CAMTA1: variants seen among roughly 807,000 people sequenced by gnomAD.
CAMTA1 encodes calmodulin-binding transcription activator 1.
In CAMTA1, 27 loss-of-function variants were observed where a neutral mutation model predicts 170.9. The ratio of observed to expected loss-of-function variants is 0.16; its 90% confidence interval spans 0.12 to 0.22. The LOEUF (loss-of-function observed/expected upper bound fraction) is 0.22. Ranked by LOEUF, CAMTA1 falls within the 10% of genes least tolerant of loss-of-function variation. The probability of loss-of-function intolerance (pLI) is 1.00; values close to 1 mark genes in which losing one functional copy is unlikely to be tolerated. For synonymous variants in CAMTA1, 833 were observed against 891.5 expected, an observed-to-expected ratio of 0.93 and a Z score of 1.17; for missense variants, 1,619 against 2,217.2, an observed-to-expected ratio of 0.73 and a Z score of 5.42.
intron 6 of CAMTA1, among the ~76,000 whole-genome samples, chr1:7,568,076 C>A (rs896100257): frequency 2.6e-5 from 4 of 152,132 alleles, no homozygotes; most frequent in African/African-American, 9.7e-5. Context: ...TCATCACTAC[C>A]ACCACCATCT....
chr1:7,671,118 C>T (rs2096056802), intron 10 of CAMTA1, 81 bp downstream of exon 10: 3 of 1,504,764 alleles, frequency 2.0e-6, no homozygotes, highest in Non-Finnish European at 2.7e-6. Flanking sequence ...CTTGGGGTGA[C>T]CTTGAGCAGG....
intron 5 of CAMTA1, among the ~76,000 whole-genome samples, chr1:7,461,801 G>C (rs1028849007): frequency 3.3e-5 from 5 of 152,204 alleles, no homozygotes; most frequent in African/African-American, 1.2e-4. Context: ...TGTTCCTCCA[G>C]GGGAAAAGGG....
chr1:7,118,841 C>T (rs111410915), intron 4 of CAMTA1, among the ~76,000 whole-genome samples: 5 of 152,256 alleles, frequency 3.3e-5, no homozygotes, highest in African/African-American at 7.2e-5. Flanking sequence ...GGAAACACAA[C>T]GGGAACCTTG....
intron 3 of CAMTA1, among the ~76,000 whole-genome samples, chr1:7,079,400 G>A (rs183814826): frequency 1.3e-5 from 2 of 152,224 alleles, no homozygotes. Flanking sequence ...CACACCCCAA[G>A]CAAGGTAAAT....
chr1:7,498,600 AGT>A (rs1557819069), intron 6 of CAMTA1, among the ~76,000 whole-genome samples: 3 of 151,390 alleles, frequency 2.0e-5, no homozygotes, highest in South Asian at 4.2e-4. Context: ...TGTACGTGTG[AGT>A]GTGAACATCT....
rs1209545861 is a variant in CAMTA1, at chr1:7,635,477, C to T, written c.511-4923C>T. On this transcript the variant is annotated intron_variant, in intron 6 of 22. Transcript: ENST00000303635. This position sits in a 1 kb window ranked among gnomAD's most constrained non-coding sequence, Gnocchi z 4.4. ...CAAAACAATTAGCGGGGCACTGTGGCGGGCGCCTGTACTCCCAGCTACTCC... is the reference window on the plus strand; with the variant it reads ...CAAAACAATTAGCGGGGCACTGTGGTGGGCGCCTGTACTCCCAGCTACTCC... Among the ~76,000 whole-genome samples the T allele has an allele frequency of 2.0e-5, 3 of 151,946 alleles. No homozygotes were observed. Among genetic ancestry groups the T allele is most frequent in the Admixed American group, 6.6e-5 (1 of 15,266 alleles).
rs2096743643 is a variant in CAMTA1, at chr1:7,732,767, T to C, written c.3066+168T>C. Among the ~76,000 whole-genome samples, 1 of 152,220 alleles carries C rather than the reference T, an allele frequency of 6.6e-6. No individual in the cohort carries two copies. The highest frequency in any genetic ancestry group is 2.1e-4 in the South Asian group (1 of 4,832). ...ACCTGTGCTTTTAAGCATTATAATC[T>C]GTGCAGTATGGAAGAAGCCTTGGAA... is the stretch of plus-strand genomic sequence containing the variant. On this transcript the variant is annotated intron_variant, in intron 12 of 22. Coordinates refer to ENST00000303635, the MANE Select transcript of CAMTA1 (RefSeq NM_015215.4). This position sits in a 1 kb window ranked among gnomAD's most constrained non-coding sequence, Gnocchi z 4.1.
intron 3 of CAMTA1, among the ~76,000 whole-genome samples, chr1:7,024,420 A>T (rs1701780017): frequency 6.6e-6 from 1 of 152,224 alleles, no homozygotes; most frequent in African/African-American, 2.4e-5. Context: ...GGGTAAATAT[A>T]AAATGGGGAA....
intron 5 of CAMTA1, among the ~76,000 whole-genome samples, chr1:7,414,483 T>C (rs917604214): frequency 2.2e-4 from 34 of 152,320 alleles, no homozygotes; most frequent in Admixed American, 1.5e-3. Context: ...TGGTTTAGTC[T>C]TGGGAGAGTG....
At chr1:7,619,107 A>T in intron 6 of CAMTA1, among the ~76,000 whole-genome samples, 1 of 152,210 alleles carries the variant, frequency 6.6e-6, no homozygotes, top group East Asian at 1.9e-4. Context: ...GAGGGAAAGC[A>T]TGAAGAGGAA....
At chr1:7,090,582 C>T (rs573650421) in intron 3 of CAMTA1, among the ~76,000 whole-genome samples, 2 of 152,316 alleles carry the variant, frequency 1.3e-5, no homozygotes, top group South Asian at 4.2e-4. Flanking sequence ...TGATGTCACT[C>T]ACTGGCTTTT....
intron 3 of CAMTA1, among the ~76,000 whole-genome samples, chr1:7,040,892 A>C (rs1015574524): frequency 6.6e-6 from 1 of 151,998 alleles, no homozygotes; most frequent in Non-Finnish European, 1.5e-5. Context: ...TACCCAGCTA[A>C]TCTTTGTTTT....
intron 4 of CAMTA1, among the ~76,000 whole-genome samples, chr1:7,215,931 A>G (rs1659672977): frequency 6.6e-6 from 1 of 152,204 alleles, no homozygotes; most frequent in Non-Finnish European, 1.5e-5. Flanking sequence ...ACTAATAGGT[A>G]ATTCAAGGAA....
chr1:7,506,152 A>G lies in CAMTA1; in HGVS notation c.510+38251A>G, dbSNP rs186203912. Among the ~76,000 whole-genome samples, 16 of 152,258 alleles carry G rather than the reference A, an allele frequency of 1.1e-4. 1 individual carries two copies. The South Asian group carries it at 2.5e-3, about 24-fold the overall frequency. On this transcript the variant is annotated intron_variant, in intron 6 of 22. Transcript: ENST00000303635. ...CCACCCTCTATAACCTCGCTGTGGCACTGGGCTTCAGCATGAGGACTTGGG... is the reference window on the plus strand; with the variant it reads ...CCACCCTCTATAACCTCGCTGTGGCGCTGGGCTTCAGCATGAGGACTTGGG...
intron 11 of CAMTA1, among the ~76,000 whole-genome samples, chr1:7,724,871 A>G: frequency 6.6e-6 from 1 of 152,214 alleles, no homozygotes; most frequent in Non-Finnish European, 1.5e-5. Flanking sequence ...ATCCTCACAA[A>G]CAAGAAGGGA....
In CAMTA1 at chr1:7,664,406, A is replaced by G. The variant is rs759915112; in HGVS notation, c.1859A>G (p.Asp620Gly). 5 of 1,613,452 alleles carry G rather than the reference A, an allele frequency of 3.1e-6. No individual in the cohort carries two copies. In the South Asian group the frequency reaches 5.5e-5, roughly 18 times the overall value. Residue 620 changes from aspartate to glycine, a missense_variant, in exon 9 of 23, where the codon GAC becomes GGC. By Grantham distance (94) the Asp-to-Gly change is moderately conservative. Coordinates refer to ENST00000303635, the MANE Select transcript of CAMTA1 (RefSeq NM_015215.4). ...QTPSPSFFLQDASKPLPVEQN... is the reference protein window; with the variant it reads ...QTPSPSFFLQGASKPLPVEQN... ...CCCTCCCCGAGCTTCTTCCTGCAGG[A>G]CGCCAGCAAACCCCTCCCCGTCGAG...
In CAMTA1 at chr1:7,103,679, G is replaced by A. The variant is rs530361624; in HGVS notation, c.302+12308G>A. ...CACATGTACACGCAACTACACACAT[G>A]CACACAACAGATACAACTACACATA... On this transcript the variant is annotated intron_variant, in intron 4 of 22. Transcript: ENST00000303635. Among the ~76,000 whole-genome samples, 10 of 142,152 alleles carry A rather than the reference G, an allele frequency of 7.0e-5. No homozygotes were observed. The South Asian group carries it at 2.3e-3, about 32-fold the overall frequency. 93.3% of individuals were successfully genotyped at this position (142,152 alleles called of 152,430 possible).
intron 5 of CAMTA1, among the ~76,000 whole-genome samples, chr1:7,318,245 C>T (rs1007444379): frequency 1.3e-5 from 2 of 151,878 alleles, no homozygotes; most frequent in East Asian, 1.9e-4. Flanking sequence ...TGAGCAGTGG[C>T]AGGTGGCACT....
intron 4 of CAMTA1, among the ~76,000 whole-genome samples, chr1:7,185,890 A>C (rs1653151418): frequency 6.6e-6 from 1 of 152,196 alleles, no homozygotes; most frequent in Non-Finnish European, 1.5e-5. Context: ...AGATACAAAA[A>C]CTGGATGTTC....
Sources: allele counts gnomAD v4.1 joint callset (sites outside exome capture counted in the v4.1 genomes callset), GRCh38; gene constraint gnomAD v4.1.1; non-coding constraint Gnocchi (gnomAD v3.1); transcripts MANE v1.5; gene names NCBI Gene and HGNC (gene_info 2026-07-23, HGNC 2026-07-21).